Variants in DMBT1 observed in about 807,000 individuals in gnomAD.
DMBT1 encodes deleted in malignant brain tumors 1.
In DMBT1, 198 loss-of-function variants were observed where a neutral mutation model predicts 252.9. The ratio of observed to expected loss-of-function variants is 0.78; its 90% CI spans 0.70 to 0.88. The LOEUF (loss-of-function observed/expected upper bound fraction) is 0.88. Ranked by LOEUF, DMBT1 falls within the 40% of genes least tolerant of loss-of-function variation. The pLI is 0.00. For synonymous variants in DMBT1, 990 were observed against 942.7 expected (o/e 1.05, Z -0.92); for missense variants, 2,432 against 2,404.7 (o/e 1.01, Z -0.24).
At position 122,640,122 on chromosome 10, in the gene DMBT1, G is replaced by T. The variant is rs144244700; in HGVS notation, c.7025G>T (p.Arg2342Leu). 12 of 1,613,928 alleles carry T rather than the reference G, an allele frequency of 7.4e-6. No individual in the cohort carries two copies. In the South Asian group the frequency reaches 1.2e-4, roughly 16 times the overall value. The change falls in exon 55 of 56, where the codon CGT (arginine) becomes CTT (leucine). Residue 2342 changes from arginine to leucine, a missense_variant. Physicochemically the swap from Arg to Leu is moderately radical, Grantham distance 102 (BLOSUM62 -2). Coordinates refer to ENST00000338354, the MANE Select transcript of DMBT1 (RefSeq NM_001377530.1). ...ATCATCAAGAGGAGGACAGACCTCC[G>T]TATTCACGTCAGCTGCAGAATGCTT... ...GGIIKRRTDLRIHVSCRMLQN... is the reference protein window; with the variant it reads ...GGIIKRRTDLLIHVSCRMLQN...
At chr10:122,642,001 G>A (rs1183931831) in intron 55 of DMBT1, among the ~76,000 whole-genome samples, 1 of 152,112 alleles carries the variant, frequency 6.6e-6, no homozygotes, top group African/African-American at 2.4e-5. Flanking sequence ...TCATGGCTGT[G>A]GCTTCGCTGT....
intron 3 of DMBT1, 102 bp from the exon 4 acceptor site, chr10:122,570,788 A>G: frequency 2.9e-6 from 4 of 1,392,990 alleles, no homozygotes; most frequent in Non-Finnish European, 4.1e-6. Flanking sequence ...TGCCCTTAGG[A>G]TCTGTGTTTC....
chr10:122,619,343 TC>T lies in DMBT1; in HGVS notation c.5245+10del, dbSNP rs764785834. On this transcript the variant is annotated splice_region_variant and intron_variant, in intron 42 of 55. Coordinates refer to ENST00000338354, the MANE Select transcript of DMBT1 (RefSeq NM_001377530.1). The stretch of plus-strand genomic sequence containing the variant: ...CCAGTCAACGCCCAGGCCAGGTGAG[TC>T]CCCAGCATCCTTCATCGGGATGTCC... 1.7e-5 allele frequency: 27 copies of T among 1,613,908 alleles called. No individual in the cohort carries two copies. The East Asian group carries it at 5.6e-4, about 33-fold the overall frequency.
At chr10:122,585,867 T>G (rs571864885) in intron 15 of DMBT1, among the ~76,000 whole-genome samples, 193 bp from the exon 16 acceptor site, 20 of 148,864 alleles carry the variant, frequency 1.3e-4, no homozygotes, top group African/African-American at 4.8e-4. Flanking sequence ...TCCCCAAACT[T>G]GAGCCTTCAT....
intron 55 of DMBT1, among the ~76,000 whole-genome samples, chr10:122,642,691 C>T (rs1844784062): frequency 6.6e-6 from 1 of 152,124 alleles, no homozygotes; most frequent in Non-Finnish European, 1.5e-5. Flanking sequence ...CGAATGAGAC[C>T]TTGCCTGGCC....
In DMBT1 at chr10:122,592,497, G is replaced by T; in HGVS notation, c.2402G>T (p.Arg801Leu). ...GGACCCATTGTTCTGGATGATGTGC[G>T]CTGCTCAGGACACGAGTCCTACCTG... ...GSGPIVLDDV[R>L]CSGHESYLWS... is the part of the protein sequence containing the mutation. Residue 801 changes from arginine to leucine, a missense_variant, in exon 20 of 56, where the codon CGC becomes CTC. Arg to Leu is a moderately radical substitution (Grantham distance 102). Coordinates refer to ENST00000338354, the MANE Select transcript of DMBT1 (RefSeq NM_001377530.1). 1.9e-6 allele frequency: 3 copies of T among 1,587,956 alleles called. 1 individual carries two copies. The highest frequency in any genetic ancestry group is 2.6e-6 in the Non-Finnish European group (3 of 1,165,480).
In DMBT1 at chr10:122,643,415, CCCACTGT is replaced by C. The variant is rs1844932429; in HGVS notation, c.*22_*28del. The C allele has an allele frequency of 1.9e-5, 30 of 1,603,872 alleles. No homozygotes were observed. In the African/African-American group the frequency reaches 1.9e-4, roughly 10 times the overall value. ...CCTCGGTAGGTGGTCGCTCTCAGACCCCACTGTCCACCGGGGCGCAGACCCCTGACTC... is the reference window on the plus strand; with the variant it reads ...CCTCGGTAGGTGGTCGCTCTCAGACCCCACCGGGGCGCAGACCCCTGACTC... On this transcript the variant is annotated 3_prime_UTR_variant, in exon 56 of 56. Coordinates refer to ENST00000338354, the MANE Select transcript of DMBT1 (RefSeq NM_001377530.1).
intron 55 of DMBT1, among the ~76,000 whole-genome samples, chr10:122,642,282 T>C (rs1844704839): frequency 6.6e-6 from 1 of 152,208 alleles, no homozygotes; most frequent in Non-Finnish European, 1.5e-5. Flanking sequence ...GAGCAGATCC[T>C]GGCCAGGTTC....
intron 52 of DMBT1, among the ~76,000 whole-genome samples, chr10:122,634,070 G>T (rs940511046): frequency 1.3e-5 from 2 of 152,222 alleles, no homozygotes; most frequent in Non-Finnish European, 1.5e-5. Context: ...CCTGGGAGTT[G>T]AAGGTTGTGG....
At chr10:122,578,880 G>A in intron 9 of DMBT1, 121 bp downstream of exon 9, 1 of 950,960 alleles carries the variant, frequency 1.1e-6, no homozygotes, top group Non-Finnish European at 1.6e-6. Context: ...GCGTGGGAGG[G>A]TGGCAGCAGG....
Position 122,621,373 on chromosome 10 carries a change from C to T in DMBT1, c.5601C>T (p.Ile1867=). ...NCGHHEDAGV[I]CSATQINSTT... ...GCCATCACGAAGACGCTGGTGTCATCTGCTCAGGTGGGCCTTCAAGACCTG... is the reference window on the plus strand; with the variant it reads ...GCCATCACGAAGACGCTGGTGTCATTTGCTCAGGTGGGCCTTCAAGACCTG... Residue 1867 remains isoleucine (I), a synonymous_variant, in exon 44 of 56, where the codon ATC becomes ATT. Coordinates refer to ENST00000338354, the MANE Select transcript of DMBT1 (RefSeq NM_001377530.1). 6.2e-7 allele frequency: 1 copy of T among 1,613,868 alleles called. No homozygotes were observed. Among genetic ancestry groups the T allele is most frequent in the East Asian group, 2.2e-5 (1 of 44,884 alleles).
At chr10:122,620,403 C>T (rs553217587) in intron 43 of DMBT1, 112 bp downstream of exon 43, 107 of 1,313,556 alleles carry the variant, frequency 8.1e-5, no homozygotes, top group South Asian at 6.9e-4. Flanking sequence ...TTCATGTTTC[C>T]GCGAGTTGCC....
At chr10:122,629,108 A>G (rs914329945) in intron 46 of DMBT1, among the ~76,000 whole-genome samples, 1 of 152,248 alleles carries the variant, frequency 6.6e-6, no homozygotes, top group Non-Finnish European at 1.5e-5. Flanking sequence ...ATAAATAACA[A>G]TAGCTAATAT....
chr10:122,598,004 C>T lies in DMBT1; in HGVS notation c.2948C>T (p.Ser983Leu), dbSNP rs368577187. The change falls in exon 25 of 56, where the codon TCG becomes TTG. Residue 983 changes from serine to leucine, a missense_variant. Ser to Leu is a moderately radical substitution (Grantham distance 145). Around this residue, in one of 3 missense-constraint regions of DMBT1, gnomAD observed 1,264 missense variants for 1,082.2 expected, o/e 1.17. Coordinates refer to ENST00000338354, the MANE Select transcript of DMBT1 (RefSeq NM_001377530.1). ...TTGCCGACCATCACCTTGCCTGCAT[C>T]GACAGTAGGTAAATATTCCTCTCGC... ...DTLPTITLPA[S>L]TVGSESSLAL... 38 of 1,613,810 alleles carry T rather than the reference C, an allele frequency of 2.4e-5. No homozygotes were observed. Among genetic ancestry groups the T allele is most frequent in the Admixed American group, 3.3e-5 (2 of 59,992 alleles).
In DMBT1 at chr10:122,633,197, A is replaced by T; in HGVS notation, c.6404A>T (p.Tyr2135Phe). Residue 2135 changes from tyrosine (Y) to phenylalanine (F), a missense_variant, in exon 52 of 56, where the codon TAT (tyrosine) becomes TTT (phenylalanine). Tyr to Phe is a conservative substitution (Grantham distance 22). Around this residue, in one of 3 missense-constraint regions of DMBT1, gnomAD observed 1,162 missense variants for 1,169.0 expected, o/e 0.99. Coordinates refer to ENST00000338354, the MANE Select transcript of DMBT1 (RefSeq NM_001377530.1). ...CCACTTTTTGTCCTGACAGCAGATT[A>T]TTCCTGCGGAGGCTTCCTATCCCAA... The part of the protein sequence containing the change: ...FLNITRPNTD[Y>F]SCGGFLSQPS... The T allele has an allele frequency of 6.2e-7, 1 of 1,613,904 alleles. No individual in the cohort carries two copies. The highest frequency in any genetic ancestry group is 1.1e-5 in the South Asian group (1 of 91,046).
At chr10:122,591,977 G>A (rs1353395540) in intron 19 of DMBT1, among the ~76,000 whole-genome samples, 2 of 148,986 alleles carry the variant, frequency 1.3e-5, no homozygotes, top group African/African-American at 4.9e-5. Flanking sequence ...GCCCTCTGGA[G>A]CAGTGGAGCT....
At chr10:122,630,145 C>T in intron 47 of DMBT1, 143 bp from the exon 48 acceptor site, 2 of 1,355,222 alleles carry the variant, frequency 1.5e-6, no homozygotes, top group Non-Finnish European at 2.0e-6. Context: ...CATCAGGGAA[C>T]ACTGATGTCC....
At position 122,570,153 on chromosome 10, in the gene DMBT1, A is replaced by AG; in HGVS notation, c.92-9_92-8insG. 1 of 1,592,154 alleles carries AG rather than the reference A, an allele frequency of 6.3e-7. No homozygotes were observed. The highest frequency in any genetic ancestry group is 8.6e-7 in the Non-Finnish European group (1 of 1,160,290). The stretch of plus-strand genomic sequence containing the variant: ...ACCATCAATGAGCTCTTCCTTTTCC[A>AG]CCTCGCAGCTTCACTGATTCCCTCG... On this transcript the variant is annotated splice_polypyrimidine_tract_variant and intron_variant, in intron 2 of 55. Coordinates refer to ENST00000338354, the MANE Select transcript of DMBT1 (RefSeq NM_001377530.1).
Position 122,590,545 on chromosome 10 carries a change from C to G in DMBT1, c.2108-120C>G, listed in dbSNP as rs2097841586. Reference sequence around the variant, plus strand: ...TGGGGACGTGCATGGCAATGCCCCTCCCTCTGTGATGGGGACATAGGGTGG... The same window carrying G: ...TGGGGACGTGCATGGCAATGCCCCTGCCTCTGTGATGGGGACATAGGGTGG... On this transcript the variant is annotated intron_variant, in intron 17 of 55. Transcript: ENST00000338354. 3 of 1,254,708 alleles carry G rather than the reference C, an allele frequency of 2.4e-6. No homozygotes were observed. In the East Asian group the frequency reaches 7.4e-5, roughly 31 times the overall value. The allele number at this position is 1,254,708 out of a possible 1,614,324, so 77.7% of individuals were successfully genotyped here. A position where few individuals can be genotyped will look rare whatever the true frequency, so the allele number is the denominator to read the frequency against.
Sources: allele counts gnomAD v4.1 joint callset (sites outside exome capture counted in the v4.1 genomes callset), GRCh38; gene constraint gnomAD v4.1.1; regional missense constraint gnomAD v4.1.1; transcripts MANE v1.5; gene names NCBI Gene and HGNC (gene_info 2026-07-23, HGNC 2026-07-21).